Variants in HDHD5 observed in about 807,000 individuals in gnomAD.
The protein encoded by HDHD5 is haloacid dehalogenase like hydrolase domain containing 5.
HDHD5 carries 34 observed loss-of-function variants against 35.5 expected under a neutral mutation model. The observed-to-expected ratio is 0.96, with a 90% CI of 0.73 to 1.28. The LOEUF (loss-of-function observed/expected upper bound fraction) is 1.28, where lower values mean the gene tolerates loss of function less well. HDHD5 is among the 50% of genes most tolerant of loss of function. The pLI is 0.00. For missense variants in HDHD5, 589 were observed against 560.2 expected, an observed-to-expected ratio of 1.05 and a Z score of -0.52; for synonymous variants, 248 against 240.6, an observed-to-expected ratio of 1.03 and a Z score of -0.29.
intron 1 of HDHD5, among the ~76,000 whole-genome samples, chr22:17,157,076 T>TCACACATACACA (rs1555881506): frequency 1.8e-5 from 1 of 56,114 alleles, no homozygotes; most frequent in Non-Finnish European, 3.4e-5. Flanking sequence ...AGACACCGTC[T>TCACACATACACA]CACACACATA....
At chr22:17,157,085 T>TACACACACACACACAC (rs58807817) in intron 1 of HDHD5, among the ~76,000 whole-genome samples, 5,387 of 143,670 alleles carry the variant, frequency 0.037, 126 homozygotes, top group African/African-American at 0.042. Context: ...CTCACACACA[T>TACACACACACACACAC]ACACACACAC....
intron 4 of HDHD5, chr22:17,143,376 G>A (rs1409650509): frequency 1.1e-5 from 5 of 449,114 alleles, no homozygotes; most frequent in Admixed American, 4.5e-5. Flanking sequence ...CCAGGAGGAA[G>A]GGTGGTCAGC....
upstream of HDHD5, chr22:17,159,287 C>CG (rs1491488675): frequency 1.0e-5 from 2 of 192,548 alleles, no homozygotes; most frequent in Non-Finnish European, 1.3e-5. Context: ...CGGCGTGCGG[C>CG]CCCCCCCCCC....
intron 3 of HDHD5, among the ~76,000 whole-genome samples, chr22:17,146,738 C>T (rs1339948936): frequency 6.5e-4 from 2 of 3,072 alleles, no homozygotes; most frequent in Non-Finnish European, 1.0e-3. Flanking sequence ...ACCTGTGACG[C>T]CCTCCTGTGA....
At chr22:17,146,212 C>T (rs903284533) in intron 3 of HDHD5, among the ~76,000 whole-genome samples, 8 of 152,078 alleles carry the variant, frequency 5.3e-5, no homozygotes, top group African/African-American at 1.9e-4. Flanking sequence ...GGAGCTTAGC[C>T]ATCTCCTGGG....
At chr22:17,158,352 T>C (rs2061824374) in intron 1 of HDHD5, 1 of 152,022 alleles carries the variant, frequency 6.6e-6, no homozygotes. Context: ...GAAATCCGTA[T>C]GTTAATGTAA....
upstream of HDHD5, among the ~76,000 whole-genome samples, chr22:17,161,245 CAAA>C (rs574657476): frequency 8.5e-5 from 9 of 105,324 alleles, no homozygotes; most frequent in Non-Finnish European, 1.3e-4. Context: ...GACTCTATCT[CAAA>C]AAAAAAAAAA....
In HDHD5 at chr22:17,148,476, G is replaced by T; in HGVS notation, c.415C>A (p.Gln139Lys). The change falls in exon 3 of 8, where the codon CAG becomes AAG. Residue 139 changes from glutamine to lysine, a missense_variant. By Grantham distance (53) the Gln-to-Lys change is moderately conservative. Transcript: ENST00000336737. ...TGGGCATTTTCCATCACGGGCCCCT[G>T]TCCAGACACCAGCATCCGCTTCTCA... ...YHEKRMLVSGQGPVMENAQGL... is the reference protein window; with the variant it reads ...YHEKRMLVSGKGPVMENAQGL... The T allele has an allele frequency of 1.2e-6, 2 of 1,614,160 alleles. No individual in the cohort carries two copies. The highest frequency in any genetic ancestry group is 1.7e-6 in the Non-Finnish European group (2 of 1,180,010).
chr22:17,142,574 A>G (rs1190598880), intron 5 of HDHD5: 1 of 152,384 alleles, frequency 6.6e-6, no homozygotes, highest in African/African-American at 2.4e-5. Flanking sequence ...TGTAGCTGTT[A>G]ACATTCATGG....
At chr22:17,161,610 T>G (rs1287738820), upstream of HDHD5, among the ~76,000 whole-genome samples, 2 of 150,204 alleles carry the variant, frequency 1.3e-5, no homozygotes, top group African/African-American at 4.9e-5. Flanking sequence ...GGTTCATGCC[T>G]GTAATCCCAA....
chr22:17,138,377 C>T lies in HDHD5; in HGVS notation c.936-20G>A, dbSNP rs778137398. 16 of 1,589,842 alleles carry T rather than the reference C, an allele frequency of 1.0e-5. No homozygotes were observed. The highest frequency in any genetic ancestry group is 5.5e-5 in the Admixed American group (3 of 54,840). ...TTATCACTGGCAGGGGCAGCCACACCGGAAAAGGAAAAAGGAGAAAAAACC... is the reference window on the plus strand; with the variant it reads ...TTATCACTGGCAGGGGCAGCCACACTGGAAAAGGAAAAAGGAGAAAAAACC... On this transcript the variant is annotated intron_variant, in intron 7 of 7. Coordinates refer to ENST00000336737, the MANE Select transcript of HDHD5 (RefSeq NM_033070.3).
chr22:17,162,341 G>GT (rs1354550396), upstream of HDHD5, among the ~76,000 whole-genome samples: 2 of 152,188 alleles, frequency 1.3e-5, no homozygotes, highest in Non-Finnish European at 2.9e-5. Flanking sequence ...GGGATAATTC[G>GT]TTATACAGCA....
chr22:17,137,676 C>CGT lies in HDHD5; in HGVS notation c.*344_*345insAC. ...AGTGCCGGCAAAGGCTCTGCACAGA[C>CGT]ATCCACAGTATTCCACACTGCCTCC... On this transcript the variant is annotated 3_prime_UTR_variant, in exon 8 of 8. Coordinates refer to ENST00000336737, the MANE Select transcript of HDHD5 (RefSeq NM_033070.3). 1 of 258,020 alleles carries CGT rather than the reference C, an allele frequency of 3.9e-6. No individual in the cohort carries two copies. Among genetic ancestry groups the CGT allele is most frequent in the Non-Finnish European group, 7.4e-6 (1 of 135,160 alleles). The allele number at this position is 258,020 out of a possible 1,614,324, so 16.0% of individuals were successfully genotyped here.
At position 17,159,190 on chromosome 22, in the gene HDHD5, G is replaced by A. The variant is rs1015540670; in HGVS notation, c.62C>T (p.Ala21Val). ...GCCCTGGAGCCCCGCAGCCGCGCGC[G>A]CCGCCCGCCAGCAAAGCCCACGCGC... ...GAARGLCWRA[A>V]RAAAGLQGRP... Residue 21 changes from alanine to valine, a missense_variant, in exon 1 of 8, where the codon GCG (alanine) becomes GTG (valine). Coordinates refer to ENST00000336737, the MANE Select transcript of HDHD5 (RefSeq NM_033070.3). 2.5e-6 allele frequency: 3 copies of A among 1,211,098 alleles called. No homozygotes were observed. The highest frequency in any genetic ancestry group is 4.4e-5 in the Admixed American group (1 of 22,802). 75.0% of individuals were successfully genotyped at this position (1,211,098 alleles called of 1,614,324 possible). A position where few individuals can be genotyped will look rare whatever the true frequency, so the allele number is the denominator to read the frequency against.
intron 6 of HDHD5, among the ~76,000 whole-genome samples, chr22:17,139,210 A>G (rs1310726262): frequency 3.3e-5 from 5 of 152,220 alleles, no homozygotes; most frequent in Non-Finnish European, 1.5e-5. Flanking sequence ...TGCTGGGCTA[A>G]ATTTTCAATA....
chr22:17,138,861 C>T (rs1460032540), intron 6 of HDHD5, 123 bp from the exon 7 acceptor site: 2 of 1,026,150 alleles, frequency 1.9e-6, no homozygotes, highest in Non-Finnish European at 2.9e-6. Context: ...TAAGAGCTGA[C>T]ATGTAGCAGA....
intron 6 of HDHD5, 91 bp downstream of exon 6, chr22:17,140,968 T>A (rs2061593263): frequency 1.6e-6 from 2 of 1,224,274 alleles, no homozygotes; most frequent in African/African-American, 3.2e-5. Flanking sequence ...GCACCTGGGG[T>A]GTCAGGACGG....
Position 17,137,884 on chromosome 22 carries a change from A to T in HDHD5, c.*137T>A, listed in dbSNP as rs2061551214. The T allele has an allele frequency of 4.6e-6, 3 of 654,222 alleles. No homozygotes were observed. Among genetic ancestry groups the T allele is most frequent in the Non-Finnish European group, 7.9e-6 (3 of 381,708 alleles). 40.5% of individuals were successfully genotyped at this position (654,222 alleles called of 1,614,324 possible). ...ACTGTCTTCTTCCAAGTGACCAGTAATGCCACACTCATGGGGCAGCAAGAA... is the reference window on the plus strand; with the variant it reads ...ACTGTCTTCTTCCAAGTGACCAGTATTGCCACACTCATGGGGCAGCAAGAA... On this transcript the variant is annotated 3_prime_UTR_variant, in exon 8 of 8. Coordinates refer to ENST00000336737, the MANE Select transcript of HDHD5 (RefSeq NM_033070.3).
rs2061555851 is a variant in HDHD5, at chr22:17,138,212, C to A, written c.1081G>T (p.Val361Leu). 1 of 1,614,066 alleles carries A rather than the reference C, an allele frequency of 6.2e-7. No individual in the cohort carries two copies. Among genetic ancestry groups the A allele is most frequent in the Non-Finnish European group, 8.5e-7 (1 of 1,180,052 alleles). Residue 361 changes from valine to leucine, a missense_variant, in exon 8 of 8, where the codon GTG becomes TTG. Val to Leu is a conservative substitution (Grantham distance 32). Coordinates refer to ENST00000336737, the MANE Select transcript of HDHD5 (RefSeq NM_033070.3). ...SASQSCISILVCTGVYNPRNP... is the reference protein window; with the variant it reads ...SASQSCISILLCTGVYNPRNP... ...CTGGGATTGTAGACGCCTGTACACACCAGGATGGAGATGCAGCTCTGGCTT... is the reference window on the plus strand; with the variant it reads ...CTGGGATTGTAGACGCCTGTACACAACAGGATGGAGATGCAGCTCTGGCTT...
Sources: gnomAD v4.1 joint callset for allele counts (sites outside exome capture counted in the v4.1 genomes callset) on GRCh38, gnomAD v4.1.1 for gene constraint, MANE v1.5 for transcripts, NCBI Gene and HGNC (gene_info 2026-07-23, HGNC 2026-07-21) for gene names.